SND1: variants seen among roughly 807,000 people sequenced by gnomAD.
The protein encoded by SND1 is staphylococcal nuclease and tudor domain containing 1.
SND1 carries 38 observed loss-of-function variants against 121.7 expected under a neutral mutation model. The observed-to-expected ratio is 0.31, with a 90% CI of 0.24 to 0.41. The LOEUF (loss-of-function observed/expected upper bound fraction) is 0.41, where lower values mean the gene tolerates loss of function less well. SND1 is among the 10% of genes least tolerant of loss of function. The pLI, the probability that SND1 is intolerant of heterozygous loss-of-function variation, is 1.00. For missense variants in SND1, 868 were observed against 1,184.6 expected (o/e 0.73, Z 3.92); for synonymous variants, 401 against 447.4 (o/e 0.90, Z 1.31).
chr7:127,817,802 G>A (rs1475163164), intron 11 of SND1, among the ~76,000 whole-genome samples: 3 of 132,892 alleles, frequency 2.3e-5, no homozygotes, highest in African/African-American at 8.5e-5. Flanking sequence ...AAAGTCTGGT[G>A]TTCTTTGTCC....
At chr7:127,908,316 AAATGTGTGTG>A (rs1563054629) in intron 14 of SND1, among the ~76,000 whole-genome samples, 3 of 104,718 alleles carry the variant, frequency 2.9e-5, no homozygotes, top group Admixed American at 2.1e-4. Context: ...AAATAATAAT[AAATGTGTGTG>A]TGTGTGTGTG....
chr7:127,672,159 G>A (rs1030904088), intron 1 of SND1, among the ~76,000 whole-genome samples: 13 of 151,898 alleles, frequency 8.6e-5, no homozygotes, highest in African/African-American at 1.9e-4. Flanking sequence ...AGGATCTTCC[G>A]TATTTTTTTT....
chr7:128,053,234 C>CAA (rs1793076571), intron 16 of SND1, among the ~76,000 whole-genome samples: 1 of 152,194 alleles, frequency 6.6e-6, no homozygotes, highest in African/African-American at 2.4e-5. Context: ...GGCAGTAAGC[C>CAA]AAATAGCTGC....
At chr7:127,840,212 T>C (rs1798938597) in intron 11 of SND1, among the ~76,000 whole-genome samples, 1 of 152,188 alleles carries the variant, frequency 6.6e-6, no homozygotes, top group Non-Finnish European at 1.5e-5. Context: ...GAAAACAGTA[T>C]ATAGTACCCC....
chr7:127,806,030 G>A, intron 10 of SND1, among the ~76,000 whole-genome samples: 1 of 152,160 alleles, frequency 6.6e-6, no homozygotes, highest in Non-Finnish European at 1.5e-5. Context: ...TAGTTATTGA[G>A]TATGTACTAA....
intron 11 of SND1, among the ~76,000 whole-genome samples, chr7:127,814,245 G>T (rs1272758709): frequency 6.6e-6 from 1 of 152,146 alleles, no homozygotes; most frequent in Non-Finnish European, 1.5e-5. Flanking sequence ...TGCAAACCAA[G>T]ATTTTATTTT....
intron 1 of SND1, among the ~76,000 whole-genome samples, chr7:127,673,952 G>C (rs1353665099): frequency 6.6e-6 from 1 of 152,046 alleles, no homozygotes; most frequent in Non-Finnish European, 1.5e-5. Context: ...AGAAGCCTTG[G>C]TTCTATTTAG....
intron 10 of SND1, among the ~76,000 whole-genome samples, chr7:127,742,394 C>A (rs1017166498): frequency 6.6e-6 from 1 of 152,168 alleles, no homozygotes; most frequent in Non-Finnish European, 1.5e-5. Flanking sequence ...GATAGTAACT[C>A]ACATTCTGAA....
intron 1 of SND1, among the ~76,000 whole-genome samples, chr7:127,654,288 G>A (rs997646514): frequency 5.3e-5 from 8 of 152,168 alleles, no homozygotes; most frequent in Non-Finnish European, 1.0e-4. Flanking sequence ...TGTCTCATTT[G>A]TAATACCTAA....
chr7:127,662,735 G>A (rs986818489), intron 1 of SND1, among the ~76,000 whole-genome samples: 1 of 151,954 alleles, frequency 6.6e-6, no homozygotes, highest in Non-Finnish European at 1.5e-5. Context: ...TCTGTGGAGC[G>A]CAGGGCCCAG....
chr7:127,756,871 A>C (rs1425282719), intron 10 of SND1, among the ~76,000 whole-genome samples: 1 of 152,210 alleles, frequency 6.6e-6, no homozygotes, highest in Non-Finnish European at 1.5e-5. Flanking sequence ...TTATTTGTTT[A>C]AATATAAATG....
intron 12 of SND1, among the ~76,000 whole-genome samples, chr7:127,878,030 C>T (rs1475694685): frequency 1.3e-5 from 2 of 152,102 alleles, no homozygotes; most frequent in African/African-American, 4.8e-5. Flanking sequence ...TTCTTTCATG[C>T]AGCATTTCTA....
intron 10 of SND1, among the ~76,000 whole-genome samples, chr7:127,740,575 A>G (rs997441085): frequency 3.9e-5 from 6 of 152,190 alleles, no homozygotes; most frequent in African/African-American, 7.2e-5. Flanking sequence ...TTAAGAATAG[A>G]TGCTTTTAAT....
chr7:128,086,808 A>T (rs1475496559), intron 20 of SND1, 130 bp from the exon 21 acceptor site: 1 of 767,190 alleles, frequency 1.3e-6, no homozygotes, highest in East Asian at 2.7e-5. Flanking sequence ...TGCAAAGTGG[A>T]ACCAAGTCAT....
chr7:128,076,502 G>A (rs911717570), intron 17 of SND1, among the ~76,000 whole-genome samples: 1 of 152,148 alleles, frequency 6.6e-6, no homozygotes, highest in African/African-American at 2.4e-5. Context: ...CCTCCTGGAG[G>A]GGCTGTTTCC....
intron 14 of SND1, among the ~76,000 whole-genome samples, chr7:127,907,177 AAG>A (rs1176761645): frequency 6.6e-6 from 1 of 152,198 alleles, no homozygotes; most frequent in Non-Finnish European, 1.5e-5. Flanking sequence ...TTATTCACCT[AAG>A]AGTGCAGTTT....
intron 13 of SND1, among the ~76,000 whole-genome samples, chr7:127,900,647 AAT>A (rs777827570): frequency 3.3e-5 from 5 of 152,206 alleles, no homozygotes; most frequent in Non-Finnish European, 5.9e-5. Flanking sequence ...CAGTGGTCTG[AAT>A]AGAGTTCATC....
intron 12 of SND1, among the ~76,000 whole-genome samples, chr7:127,884,165 C>T (rs1189933910): frequency 6.6e-6 from 1 of 152,072 alleles, no homozygotes; most frequent in African/African-American, 2.4e-5. Context: ...GACATGTCTC[C>T]TATTTTTTTT....
chr7:128,032,616 C>T (rs1467902091), intron 16 of SND1, among the ~76,000 whole-genome samples: 5 of 151,958 alleles, frequency 3.3e-5, no homozygotes, highest in African/African-American at 4.8e-5. Flanking sequence ...GGGGCTGCTG[C>T]ATTTGGCCTG....
Sources: allele counts gnomAD v4.1 joint callset (sites outside exome capture counted in the v4.1 genomes callset), GRCh38; gene constraint gnomAD v4.1.1; transcripts MANE v1.5; gene names NCBI Gene and HGNC (gene_info 2026-07-23, HGNC 2026-07-21).